CNTN4: variants seen among roughly 807,000 people sequenced by gnomAD.
CNTN4 encodes the protein contactin 4.
Under a neutral mutation model 122.5 loss-of-function variants are expected in CNTN4, and 77 were observed. That is an observed-to-expected ratio of 0.63 (90% confidence interval 0.52 to 0.76). CNTN4 has a LOEUF of 0.76. Ranked by LOEUF, CNTN4 falls within the 30% of genes least tolerant of loss-of-function variation. The probability of loss-of-function intolerance (pLI) is 0.00; values close to 1 mark genes in which losing one functional copy is unlikely to be tolerated. For missense variants in CNTN4, 1,256 were observed against 1,259.1 expected, an observed-to-expected ratio of 1.00 and a Z score of 0.04; for synonymous variants, 512 against 447.0, an observed-to-expected ratio of 1.15 and a Z score of -1.83.
In CNTN4 at chr3:2,698,494, A is replaced by C. The variant is rs528479386; in HGVS notation, c.56-37721A>C. Among the ~76,000 whole-genome samples the C allele has an allele frequency of 2.6e-5, 4 of 152,256 alleles. No homozygotes were observed. In the East Asian group the frequency reaches 7.7e-4, roughly 29 times the overall value. On this transcript the variant is annotated intron_variant, in intron 4 of 24. Coordinates refer to ENST00000418658, the MANE Select transcript of CNTN4 (RefSeq NM_175607.3). ...CCACAGCGAAGGCACTGAGCCTTGTACTTATTTTACAAATAGGAAGCTGTT... is the reference window on the plus strand; with the variant it reads ...CCACAGCGAAGGCACTGAGCCTTGTCCTTATTTTACAAATAGGAAGCTGTT...
At chr3:2,854,324 G>A (rs112636564) in intron 7 of CNTN4, among the ~76,000 whole-genome samples, 21 of 135,970 alleles carry the variant, frequency 1.5e-4, no homozygotes, top group Admixed American at 1.4e-3. Context: ...CCAGGCTGGA[G>A]TGCAGTGGCA....
At chr3:2,813,637 G>A (rs2092663909) in intron 6 of CNTN4, among the ~76,000 whole-genome samples, 1 of 151,962 alleles carries the variant, frequency 6.6e-6, no homozygotes, top group African/African-American at 2.4e-5. Context: ...GTCCATATGT[G>A]TAATGGCTAG....
At chr3:2,734,736 T>A (rs1256847767) in intron 4 of CNTN4, among the ~76,000 whole-genome samples, 2 of 152,076 alleles carry the variant, frequency 1.3e-5, no homozygotes, top group Non-Finnish European at 2.9e-5. Context: ...CCAACTTTAT[T>A]CTTTTTTCTC....
intron 6 of CNTN4, among the ~76,000 whole-genome samples, chr3:2,798,385 C>CTATCTATCTATCTATA (rs1559514933): frequency 6.6e-6 from 1 of 150,854 alleles, no homozygotes; most frequent in African/African-American, 2.4e-5. Context: ...ATCTATCTAT[C>CTATCTATCTATCTATA]TATCTATATA....
chr3:2,769,002 A>G (rs1192793141), intron 6 of CNTN4, among the ~76,000 whole-genome samples: 1 of 152,186 alleles, frequency 6.6e-6, no homozygotes, highest in African/African-American at 2.4e-5. Flanking sequence ...ATCTTCATTT[A>G]AAATGGGGTC....
At chr3:3,028,372 T>G (rs1002120440) in intron 15 of CNTN4, among the ~76,000 whole-genome samples, 3 of 152,118 alleles carry the variant, frequency 2.0e-5, no homozygotes, top group African/African-American at 7.2e-5. Context: ...GTTATTGTGG[T>G]CTGCTTTGAT....
chr3:2,650,175 T>C (rs1465435500), intron 4 of CNTN4, among the ~76,000 whole-genome samples: 7 of 151,504 alleles, frequency 4.6e-5, no homozygotes, highest in Non-Finnish European at 7.4e-5. Context: ...ATTTTGGAAA[T>C]TGATTCCAAC....
rs140926365 is a variant in CNTN4 at position 2,853,773 on chromosome 3, G to A, written c.455-12979G>A. Among the ~76,000 whole-genome samples the A allele has an allele frequency of 4.8e-3, 719 of 150,616 alleles. 2 individuals carry two copies. The highest frequency in any genetic ancestry group is 8.3e-3 in the Non-Finnish European group (562 of 67,724). On this transcript the variant is annotated intron_variant, in intron 7 of 24. Transcript: ENST00000418658. Reference sequence around the variant, plus strand: ...AAACCAGAGGAAAAAAGACCTGTTTGTTCAGTTTGAATTTTAAAAATCTCT... The same window carrying A: ...AAACCAGAGGAAAAAAGACCTGTTTATTCAGTTTGAATTTTAAAAATCTCT...
At chr3:3,027,017 G>A (rs73808818) in intron 15 of CNTN4, among the ~76,000 whole-genome samples, 13,024 of 152,022 alleles carry the variant, frequency 0.086, 642 homozygotes, top group Admixed American at 0.11. Context: ...AAAACATAGC[G>A]GAATACAAAA....
intron 3 of CNTN4, among the ~76,000 whole-genome samples, chr3:2,561,124 T>C (rs1387895716): frequency 6.6e-6 from 1 of 152,172 alleles, no homozygotes; most frequent in East Asian, 1.9e-4. Flanking sequence ...CTTGCCACTT[T>C]TAATCTGACA....
chr3:2,105,694 G>A (rs182260090), intron 2 of CNTN4, among the ~76,000 whole-genome samples: 60 of 152,240 alleles, frequency 3.9e-4, no homozygotes, highest in African/African-American at 8.9e-4. Flanking sequence ...TGAGATTTGC[G>A]TGGAGACACA....
intron 3 of CNTN4, among the ~76,000 whole-genome samples, chr3:2,545,283 T>G (rs578107321): frequency 6.6e-6 from 1 of 152,226 alleles, no homozygotes; most frequent in Admixed American, 6.5e-5. Flanking sequence ...TATGTCCAAT[T>G]GTGTGGTCAA....
intron 7 of CNTN4, among the ~76,000 whole-genome samples, chr3:2,830,020 G>T (rs977605023): frequency 1.3e-5 from 2 of 151,696 alleles, no homozygotes; most frequent in Admixed American, 1.3e-4. Context: ...ATATCTTATT[G>T]TTCAGAAAAA....
At chr3:2,752,995 C>T (rs146033734) in intron 6 of CNTN4, among the ~76,000 whole-genome samples, 2 of 152,290 alleles carry the variant, frequency 1.3e-5, no homozygotes, top group Non-Finnish European at 2.9e-5. Flanking sequence ...TGTATGTATA[C>T]TTCATTTTCT....
intron 2 of CNTN4, among the ~76,000 whole-genome samples, chr3:2,270,655 T>C (rs2041257488): frequency 6.6e-6 from 1 of 152,048 alleles, no homozygotes. Context: ...GGGGAAAATA[T>C]TGTTCATTGT....
chr3:2,991,042 C>T (rs1695007914), intron 14 of CNTN4, among the ~76,000 whole-genome samples: 2 of 151,936 alleles, frequency 1.3e-5, no homozygotes, highest in Non-Finnish European at 2.9e-5. Context: ...GGAGGATATG[C>T]AAAAAATCAT....
intron 20 of CNTN4, among the ~76,000 whole-genome samples, chr3:3,041,601 C>T (rs2125779150): frequency 6.6e-6 from 1 of 152,212 alleles, no homozygotes; most frequent in Admixed American, 6.5e-5. Flanking sequence ...TTATTTTTGC[C>T]AGATTTCTGC....
chr3:2,917,563 T>A (rs977338744), intron 12 of CNTN4, among the ~76,000 whole-genome samples: 2 of 152,164 alleles, frequency 1.3e-5, no homozygotes, highest in African/African-American at 4.8e-5. Flanking sequence ...ACATTTTCAG[T>A]GGCAAAAAGT....
chr3:2,336,803 G>A (rs2043972123), intron 2 of CNTN4, among the ~76,000 whole-genome samples: 1 of 152,128 alleles, frequency 6.6e-6, no homozygotes, highest in Non-Finnish European at 1.5e-5. Context: ...GAGTAAGGAT[G>A]TATGTAATCC....
Sources: allele counts gnomAD v4.1 joint callset (sites outside exome capture counted in the v4.1 genomes callset), GRCh38; gene constraint gnomAD v4.1.1; transcripts MANE v1.5; gene names NCBI Gene and HGNC (gene_info 2026-07-23, HGNC 2026-07-21).